The following SAFB2 variants were observed in gnomAD, a reference collection of about 807,000 sequenced individuals.
The protein encoded by SAFB2 is scaffold attachment factor B2.
SAFB2 carries 32 observed loss-of-function variants against 100.6 expected under a neutral mutation model. The observed-to-expected ratio is 0.32, with a 90% confidence interval of 0.24 to 0.43. SAFB2 has a LOEUF of 0.43. SAFB2 is among the 20% of genes least tolerant of loss of function. The probability of loss-of-function intolerance (pLI) is 1.00; values close to 1 mark genes in which losing one functional copy is unlikely to be tolerated. For synonymous variants in SAFB2, 500 were observed against 439.4 expected (o/e 1.14, Z -1.72); for missense variants, 1,185 against 1,163.4 (o/e 1.02, Z -0.27).
At chr19:5,614,829 T>C (rs1568229109) in intron 4 of SAFB2, among the ~76,000 whole-genome samples, 1 of 152,252 alleles carries the variant, frequency 6.6e-6, no homozygotes, top group Non-Finnish European at 1.5e-5. Context: ...ACAAGGATGC[T>C]CACAGTCAGT....
chr19:5,592,802 A>G lies in SAFB2; in HGVS notation c.2293T>C (p.Phe765Leu), dbSNP rs1245310049. The change falls in exon 16 of 21, where the codon TTT becomes CTT. Residue 765 changes from phenylalanine to leucine, a missense_variant. This residue lies in a region of SAFB2 where 740 missense variants were observed against 687.1 expected (regional missense o/e 1.08). Transcript: ENST00000252542. ...RADFPRPDHR[F>L]HDFDHRDRGQ... ...CGGTCTCGATGATCGAAGTCGTGAA[A>G]GCGGTGGTCTGGCCGGGGAAAGTCT... 1.2e-6 allele frequency: 2 copies of G among 1,614,060 alleles called. No individual in the cohort carries two copies.
At chr19:5,589,327 T>G (rs558811824) in intron 18 of SAFB2, among the ~76,000 whole-genome samples, 1 of 152,308 alleles carries the variant, frequency 6.6e-6, no homozygotes, top group South Asian at 2.1e-4. Flanking sequence ...CCACCGTCTG[T>G]GCTGCCCAGA....
intron 18 of SAFB2, among the ~76,000 whole-genome samples, chr19:5,588,697 C>G (rs997382720): frequency 2.3e-4 from 35 of 152,024 alleles, no homozygotes; most frequent in African/African-American, 8.2e-4. Flanking sequence ...AGAAAGGGAC[C>G]TGTGGCTACC....
chr19:5,597,324 G>T (rs1459102349), intron 13 of SAFB2, among the ~76,000 whole-genome samples: 1 of 152,074 alleles, frequency 6.6e-6, no homozygotes, highest in Non-Finnish European at 1.5e-5. Flanking sequence ...CAGCAAGTTT[G>T]GAAGATCAAG....
rs35085422 is a variant in SAFB2, at chr19:5,590,197, T to TG, written c.2525+80dup. 1.8e-5 allele frequency: 23 copies of TG among 1,279,816 alleles called. 1 individual carries two copies. The East Asian group carries it at 6.4e-4, about 36-fold the overall frequency. 79.3% of individuals were successfully genotyped at this position (1,279,816 alleles called of 1,614,324 possible). ...AAGCTCCCCTAGCTGAATCAAACCT[T>TG]GGGGACGTGCCTGGCCAGGCACCAA... On this transcript the variant is annotated intron_variant, in intron 18 of 20. Coordinates refer to ENST00000252542, the MANE Select transcript of SAFB2 (RefSeq NM_014649.3).
At chr19:5,622,391 G>A in intron 1 of SAFB2, 139 bp downstream of exon 1, 1 of 771,686 alleles carries the variant, frequency 1.3e-6, no homozygotes, top group Non-Finnish European at 1.9e-6. Context: ...GGCCCCCTGG[G>A]TGCCCGACAC....
chr19:5,616,094 G>A (rs769723425), intron 4 of SAFB2, 38 bp downstream of exon 4: 2 of 1,601,424 alleles, frequency 1.2e-6, no homozygotes, highest in Admixed American at 3.3e-5. Context: ...GTGCCTCGGG[G>A]CTATGGGCAC....
chr19:5,593,615 G>GA, intron 15 of SAFB2: 1 of 409,196 alleles, frequency 2.4e-6, no homozygotes, highest in South Asian at 6.2e-5. Flanking sequence ...AAGTGGAGAG[G>GA]AAAAGCATCA....
At chr19:5,610,729 GAA>G (rs747122838) in intron 7 of SAFB2, 41 bp from the exon 8 acceptor site, 6 of 1,349,266 alleles carry the variant, frequency 4.4e-6, no homozygotes, top group African/African-American at 1.5e-5. Flanking sequence ...GGAAAAAAAC[GAA>G]AGAGAACAAA....
rs1472152324 is a variant in SAFB2, at chr19:5,587,471, A to T, written c.2706-72T>A. On this transcript the variant is annotated intron_variant, in intron 20 of 20. Coordinates refer to ENST00000252542, the MANE Select transcript of SAFB2 (RefSeq NM_014649.3). The surrounding 1 kb of genome is among the most constrained non-coding windows in gnomAD (Gnocchi z 4.9). Reference sequence around the variant, plus strand: ...TTTTCATCGTAACATGGGTTCAGTAACGGTCCCGCAGCCTTTAGAGCGCTT... The same window carrying T: ...TTTTCATCGTAACATGGGTTCAGTATCGGTCCCGCAGCCTTTAGAGCGCTT... 6.5e-7 allele frequency: 1 copy of T among 1,533,476 alleles called. No individual in the cohort carries two copies. The highest frequency in any genetic ancestry group is 2.4e-5 in the East Asian group (1 of 40,998). The allele number at this position is 1,533,476 out of a possible 1,614,324, so 95.0% of individuals were successfully genotyped here.
chr19:5,622,182 G>A (rs893278311), intron 1 of SAFB2, among the ~76,000 whole-genome samples: 9 of 152,230 alleles, frequency 5.9e-5, no homozygotes, highest in East Asian at 5.8e-4. Context: ...TTCTCCGGAG[G>A]AGGAAACTGA....
At chr19:5,589,801 G>A (rs1342807009) in intron 18 of SAFB2, among the ~76,000 whole-genome samples, 3 of 152,198 alleles carry the variant, frequency 2.0e-5, no homozygotes, top group African/African-American at 7.2e-5. Flanking sequence ...TGAGTCCTGG[G>A]TGGAGGGTCC....
intron 17 of SAFB2, among the ~76,000 whole-genome samples, chr19:5,590,853 G>A (rs555532448): frequency 6.6e-6 from 1 of 152,342 alleles, no homozygotes; most frequent in East Asian, 1.9e-4. Flanking sequence ...CAGCCAGGAA[G>A]CAGGCGGGTG....
rs781714723 is a variant in SAFB2 at position 5,604,740 on chromosome 19, A to C, written c.1447-45T>G. On this transcript the variant is annotated intron_variant, in intron 10 of 20. Coordinates refer to ENST00000252542, the MANE Select transcript of SAFB2 (RefSeq NM_014649.3). ...AATGATGTGTGGCCCAGAGCTTCTC[A>C]CTTGCAAACTCCATTTGCGAGTTAC... is the stretch of plus-strand genomic sequence containing the variant. 3.7e-6 allele frequency: 6 copies of C among 1,613,874 alleles called. No homozygotes were observed. The South Asian group carries it at 4.4e-5, about 12-fold the overall frequency.
rs1251235579 is a variant in SAFB2 at position 5,595,372 on chromosome 19, C to T, written c.1908G>A (p.Thr636=). ...QRQREREIRE[T]ERRREREQRE... is the part of the protein sequence containing the mutation. ...CCAGCTCCACTCACCGCCGCCTCTC[C>T]GTTTCGCGGATCTCCCGTTCCCGCT... The change falls in exon 14 of 21, where the codon ACG becomes ACA. Residue 636 remains threonine (T), a synonymous_variant. Transcript: ENST00000252542. The T allele has an allele frequency of 1.2e-5, 19 of 1,610,842 alleles. No individual in the cohort carries two copies. The highest frequency in any genetic ancestry group is 3.3e-5 in the Admixed American group (2 of 59,984).
intron 8 of SAFB2, 189 bp from the exon 9 acceptor site, chr19:5,610,284 C>T: frequency 1.7e-6 from 1 of 603,696 alleles, no homozygotes; most frequent in Non-Finnish European, 3.0e-6. Flanking sequence ...ACTGAGTTTC[C>T]TTACTCAAGG....
At chr19:5,610,890 T>G (rs1323764760) in intron 7 of SAFB2, 1 of 788,076 alleles carries the variant, frequency 1.3e-6, no homozygotes, top group South Asian at 1.9e-5. Flanking sequence ...TCGATTTAGC[T>G]GAAGATAACA....
chr19:5,587,552 C>CA lies in SAFB2; in HGVS notation c.2705+148dup. 1.4e-6 allele frequency: 2 copies of CA among 1,460,722 alleles called. No homozygotes were observed. The highest frequency in any genetic ancestry group is 1.8e-6 in the Non-Finnish European group (2 of 1,100,120). 90.5% of individuals were successfully genotyped at this position (1,460,722 alleles called of 1,614,324 possible). On this transcript the variant is annotated intron_variant, in intron 20 of 20. Transcript: ENST00000252542. The surrounding 1 kb of genome is among the most constrained non-coding windows in gnomAD (Gnocchi z 4.9). ...ATCGCACATTGTATTCCAGGTAACTCAAGAGCGTTATTTGCATAAATTGCA... is the reference window on the plus strand; with the variant it reads ...ATCGCACATTGTATTCCAGGTAACTCAAAGAGCGTTATTTGCATAAATTGCA...
At position 5,604,626 on chromosome 19, in the gene SAFB2, A is replaced by G. The variant is rs1285314482; in HGVS notation, c.1516T>C (p.Ser506Pro). 3.7e-6 allele frequency: 6 copies of G among 1,614,048 alleles called. No individual in the cohort carries two copies. The South Asian group carries it at 5.5e-5, about 15-fold the overall frequency. Residue 506 changes from serine to proline, a missense_variant, in exon 11 of 21, where the codon TCG becomes CCG. Coordinates refer to ENST00000252542, the MANE Select transcript of SAFB2 (RefSeq NM_014649.3). Reference protein sequence around the residue: ...KECEVKKEKLSSVDRHHSVEI... With the variant: ...KECEVKKEKLPSVDRHHSVEI... ...ACAGAATGATGTCTGTCGACACTCGATAATTTTTCCTTCTTCACTTCGCAC... is the reference window on the plus strand; with the variant it reads ...ACAGAATGATGTCTGTCGACACTCGGTAATTTTTCCTTCTTCACTTCGCAC...
Sources: allele counts gnomAD v4.1 joint callset (sites outside exome capture counted in the v4.1 genomes callset), GRCh38; gene constraint gnomAD v4.1.1; regional missense constraint gnomAD v4.1.1; non-coding constraint Gnocchi (gnomAD v3.1); transcripts MANE v1.5; gene names NCBI Gene and HGNC (gene_info 2026-07-23, HGNC 2026-07-21).